The following GALNT14 variants were observed in gnomAD, a reference collection of about 807,000 sequenced individuals.
The protein encoded by GALNT14 is UDP-GalNAc:polypeptide N-acetylgalactosaminyltransferase 14.
A neutral mutation model predicts 77.5 loss-of-function variants in GALNT14; 60 were observed. The observed-to-expected ratio is 0.77, with a 90% CI of 0.63 to 0.96. The LOEUF (loss-of-function observed/expected upper bound fraction) is 0.96, where lower values mean the gene tolerates loss of function less well. Ranked by LOEUF, GALNT14 falls within the 40% of genes least tolerant of loss-of-function variation. The pLI, the probability that GALNT14 is intolerant of heterozygous loss-of-function variation, is 0.00. For missense variants in GALNT14, 710 were observed against 731.0 expected (o/e 0.97, Z 0.33); for synonymous variants, 280 against 281.7 (o/e 0.99, Z 0.06).
At position 30,942,128 on chromosome 2, in the gene GALNT14, C is replaced by G. The variant is rs545248574; in HGVS notation, c.931+73G>C. On this transcript the variant is annotated intron_variant, in intron 9 of 14. Transcript: ENST00000349752. ...TGACAGCTTGGTGTTGGATCCAAAACCACAGAGGTCCCCGCCCCAATCCCC... is the reference window on the plus strand; with the variant it reads ...TGACAGCTTGGTGTTGGATCCAAAAGCACAGAGGTCCCCGCCCCAATCCCC... 57 of 1,094,450 alleles carry G rather than the reference C, an allele frequency of 5.2e-5. No individual in the cohort carries two copies. In the South Asian group the frequency reaches 7.4e-4, roughly 14 times the overall value. The allele number at this position is 1,094,450 out of a possible 1,614,324, so 67.8% of individuals were successfully genotyped here. A position where few individuals can be genotyped will look rare whatever the true frequency, so the allele number is the denominator to read the frequency against.
intron 1 of GALNT14, among the ~76,000 whole-genome samples, chr2:31,059,703 T>C (rs1558535172): frequency 6.6e-6 from 1 of 152,062 alleles, no homozygotes; most frequent in Non-Finnish European, 1.5e-5. Context: ...AGACACTGTA[T>C]TTAAAAAAAT....
intron 8 of GALNT14, among the ~76,000 whole-genome samples, chr2:30,944,170 A>C (rs116637181): frequency 0.04 from 6,155 of 152,204 alleles, 178 homozygotes; most frequent in African/African-American, 0.089. Context: ...AGTAGGTAGG[A>C]CACCAAGACC....
At chr2:31,043,419 A>G (rs12712302) in intron 1 of GALNT14, among the ~76,000 whole-genome samples, 44,059 of 151,952 alleles carry the variant, frequency 0.29, 6,907 homozygotes, top group East Asian at 0.45. Context: ...TGTCTTGTCC[A>G]TAGTAGCTCC....
intron 1 of GALNT14, among the ~76,000 whole-genome samples, chr2:31,089,157 C>G (rs1360144436): frequency 6.6e-6 from 1 of 152,102 alleles, no homozygotes. Flanking sequence ...CCTTGAAATC[C>G]TAGCCTACCA....
chr2:31,114,776 A>T, intron 1 of GALNT14: 1 of 717,632 alleles, frequency 1.4e-6, no homozygotes, highest in Non-Finnish European at 2.6e-6. Context: ...CTGCAAATGG[A>T]ACTGAGCTTC....
intron 1 of GALNT14, among the ~76,000 whole-genome samples, chr2:31,023,331 T>G (rs1165380839): frequency 6.6e-6 from 1 of 152,158 alleles, no homozygotes; most frequent in Non-Finnish European, 1.5e-5. Context: ...TTGTGTGATT[T>G]GGATCTCACC....
At chr2:30,963,649 T>C (rs1558447124) in intron 3 of GALNT14, among the ~76,000 whole-genome samples, 2 of 152,136 alleles carry the variant, frequency 1.3e-5, no homozygotes, top group African/African-American at 2.4e-5. Flanking sequence ...AGAAATGTGA[T>C]AGAATTAGAA....
intron 1 of GALNT14, among the ~76,000 whole-genome samples, chr2:30,994,918 A>C (rs1669929569): frequency 6.6e-6 from 1 of 152,190 alleles, no homozygotes; most frequent in East Asian, 1.9e-4. Context: ...GAGTTCAATT[A>C]CATGAGCACG....
chr2:30,887,199 T>C, the GALNT14 span, among the ~76,000 whole-genome samples: 1 of 152,220 alleles, frequency 6.6e-6, no homozygotes, highest in Non-Finnish European at 1.5e-5. Context: ...TGTGCATGTA[T>C]TTAAGTAGCT....
chr2:31,074,846 G>A (rs1306076154), intron 1 of GALNT14, among the ~76,000 whole-genome samples: 1 of 152,060 alleles, frequency 6.6e-6, no homozygotes, highest in African/African-American at 2.4e-5. Context: ...GACTGTAAAG[G>A]CCATGGATAC....
intron 1 of GALNT14, among the ~76,000 whole-genome samples, chr2:31,026,748 C>G (rs1052562921): frequency 5.3e-5 from 8 of 152,214 alleles, no homozygotes; most frequent in Non-Finnish European, 1.2e-4. Flanking sequence ...AAGGTTTCTT[C>G]CAGTCTGACG....
At chr2:30,925,526 A>G (rs1665319590) in intron 11 of GALNT14, among the ~76,000 whole-genome samples, 1 of 152,198 alleles carries the variant, frequency 6.6e-6, no homozygotes, top group African/African-American at 2.4e-5. Context: ...CATTATCTAG[A>G]CAAACCAGAG....
intron 1 of GALNT14, among the ~76,000 whole-genome samples, chr2:31,069,326 T>G (rs1009936692): frequency 9.9e-5 from 15 of 152,202 alleles, no homozygotes; most frequent in African/African-American, 2.9e-4. Context: ...TTTGTGAGAG[T>G]GTACTTGTGT....
rs369673185 is a variant in GALNT14, at chr2:31,072,288, CACACACACACACACAT to C, written c.129+65654_129+65669del. ...TCACACACACACACACACATACACA[CACACACACACACACAT>C]ACACACACACACACACACGCATGCG... On this transcript the variant is annotated intron_variant, in intron 1 of 14. Coordinates refer to ENST00000349752, the MANE Select transcript of GALNT14 (RefSeq NM_024572.4). Among the ~76,000 whole-genome samples, 375 of 112,112 alleles carry C rather than the reference CACACACACACACACAT, an allele frequency of 3.3e-3. 1 individual carries two copies. In the East Asian group the frequency reaches 0.039, roughly 12 times the overall value. 73.5% of individuals were successfully genotyped at this position (112,112 alleles called of 152,430 possible).
intron 1 of GALNT14, among the ~76,000 whole-genome samples, chr2:31,129,025 T>G (rs1678843521): frequency 6.6e-6 from 1 of 152,000 alleles, no homozygotes; most frequent in Non-Finnish European, 1.5e-5. Flanking sequence ...AGGGCATCTT[T>G]TCTCAGCAAG....
chr2:31,116,841 C>T (rs145903335), intron 1 of GALNT14, among the ~76,000 whole-genome samples: 262 of 152,198 alleles, frequency 1.7e-3, no homozygotes, highest in African/African-American at 5.9e-3. Flanking sequence ...GGTCAGGTGA[C>T]CAGCCTCACC....
the GALNT14 span, among the ~76,000 whole-genome samples, chr2:30,889,739 T>C: frequency 6.6e-6 from 1 of 152,248 alleles, no homozygotes; most frequent in Non-Finnish European, 1.5e-5. Context: ...AGCTTTTCTG[T>C]AAACCTAGAT....
intron 1 of GALNT14, among the ~76,000 whole-genome samples, chr2:31,078,361 C>T (rs1675939582): frequency 1.3e-5 from 2 of 152,212 alleles, no homozygotes; most frequent in Non-Finnish European, 2.9e-5. Context: ...CATAAGTTCA[C>T]CTGGTCAGGC....
chr2:30,986,013 A>G (rs6751251), intron 2 of GALNT14, among the ~76,000 whole-genome samples: 99,624 of 152,042 alleles, frequency 0.66, 32,769 homozygotes, highest in Middle Eastern at 0.76. Context: ...AACCGAGTAA[A>G]TAGAAGGAGG....
Sources: gnomAD v4.1 joint callset for allele counts (sites outside exome capture counted in the v4.1 genomes callset) on GRCh38, gnomAD v4.1.1 for gene constraint, MANE v1.5 for transcripts, NCBI Gene and HGNC (gene_info 2026-07-23, HGNC 2026-07-21) for gene names.